The following SRPK1 variants were observed in gnomAD, a reference collection of about 807,000 sequenced individuals.
SRPK1 encodes SRSF protein kinase 1.
Under a neutral mutation model 89.5 loss-of-function variants are expected in SRPK1, and 52 were observed. The observed-to-expected ratio is 0.58, with a 90% confidence interval of 0.46 to 0.73. The LOEUF (loss-of-function observed/expected upper bound fraction) is 0.73. SRPK1 is among the 30% of genes least tolerant of loss of function. The pLI is 0.00. For synonymous variants in SRPK1, 255 were observed against 270.2 expected (o/e 0.94, Z 0.55); for missense variants, 603 against 780.6 (o/e 0.77, Z 2.71).
At chr6:35,904,768 G>T in intron 2 of SRPK1, 1 of 192,260 alleles carries the variant, frequency 5.2e-6, no homozygotes, top group Non-Finnish European at 1.1e-5. Context: ...TCACACCATT[G>T]CACTTTAGCC....
chr6:35,873,931 A>G (rs1770099938), intron 7 of SRPK1, among the ~76,000 whole-genome samples: 1 of 151,480 alleles, frequency 6.6e-6, no homozygotes, highest in Non-Finnish European at 1.5e-5. Context: ...GGTTCACGCC[A>G]TTCTCCTGCC....
rs754670580 is a variant in SRPK1, at chr6:35,869,591, A to C, written c.1302T>G (p.Gly434=). Residue 434 remains glycine, a synonymous_variant, in exon 11 of 16, where the codon GGT becomes GGG. Transcript: ENST00000373825. ...TAATGTGTTGTTCACTGAATGACTGACCTACAGTTGAGGAAGACTGGCACA... is the reference window on the plus strand; with the variant it reads ...TAATGTGTTGTTCACTGAATGACTGCCCTACAGTTGAGGAAGACTGGCACA... ...TMVCQSSSTV[G]QSFSEQHISQ... is the part of the protein sequence containing the mutation. 1.5e-5 allele frequency: 25 copies of C among 1,613,848 alleles called. No individual in the cohort carries two copies. Among genetic ancestry groups the C allele is most frequent in the Non-Finnish European group, 1.9e-5 (23 of 1,179,892 alleles).
intron 2 of SRPK1, among the ~76,000 whole-genome samples, chr6:35,903,201 C>A (rs1770782931): frequency 6.6e-6 from 1 of 151,870 alleles, no homozygotes; most frequent in Non-Finnish European, 1.5e-5. Context: ...ATAAGGCTTA[C>A]CCTAATATTT....
At chr6:35,877,911 A>G (rs1014944281) in intron 6 of SRPK1, among the ~76,000 whole-genome samples, 1 of 152,144 alleles carries the variant, frequency 6.6e-6, no homozygotes, top group Admixed American at 6.5e-5. Flanking sequence ...ATCAAAACAC[A>G]CTGGATGGAA....
chr6:35,868,919 A>T, intron 12 of SRPK1, 91 bp downstream of exon 12: 1 of 951,146 alleles, frequency 1.1e-6, no homozygotes, highest in Non-Finnish European at 1.6e-6. Flanking sequence ...CAATCTGGGT[A>T]CAGAATTATG....
chr6:35,895,057 A>G (rs1270954298), intron 2 of SRPK1, among the ~76,000 whole-genome samples: 1 of 152,210 alleles, frequency 6.6e-6, no homozygotes, highest in East Asian at 1.9e-4. Flanking sequence ...AAGACAAGAA[A>G]GTATGCTTGA....
chr6:35,898,024 T>G (rs972565109), intron 2 of SRPK1, among the ~76,000 whole-genome samples: 2 of 152,244 alleles, frequency 1.3e-5, no homozygotes, highest in Non-Finnish European at 2.9e-5. Context: ...ATACATTGCA[T>G]TATGAATGTT....
At chr6:35,844,769 T>C (rs142230795) in intron 13 of SRPK1, among the ~76,000 whole-genome samples, 22 of 152,282 alleles carry the variant, frequency 1.4e-4, no homozygotes, top group Non-Finnish European at 2.9e-4. Context: ...ATCATGATTC[T>C]TGTTCACCAA....
chr6:35,851,485 T>C (rs1581994661), intron 13 of SRPK1, among the ~76,000 whole-genome samples: 2 of 152,108 alleles, frequency 1.3e-5, no homozygotes, highest in East Asian at 1.9e-4. Flanking sequence ...GTATTGGATA[T>C]ATTCTGAAGG....
intron 6 of SRPK1, among the ~76,000 whole-genome samples, chr6:35,882,168 A>C (rs994780887): frequency 1.3e-5 from 2 of 150,208 alleles, no homozygotes; most frequent in Non-Finnish European, 3.0e-5. Context: ...TAGTAGCAGC[A>C]GCAGCAGAAG....
At chr6:35,897,843 G>A (rs887832058) in intron 2 of SRPK1, among the ~76,000 whole-genome samples, 4 of 152,254 alleles carry the variant, frequency 2.6e-5, no homozygotes, top group African/African-American at 4.8e-5. Flanking sequence ...CTTCCACTGC[G>A]TATTCTATTG....
chr6:35,840,715 G>A (rs80331064), intron 14 of SRPK1, among the ~76,000 whole-genome samples: 1,863 of 152,256 alleles, frequency 0.012, 36 homozygotes, highest in African/African-American at 0.043. Context: ...ATGGTACTCA[G>A]GCTTCTGTCC....
At chr6:35,893,476 C>A (rs1056105636) in intron 2 of SRPK1, among the ~76,000 whole-genome samples, 2 of 131,238 alleles carry the variant, frequency 1.5e-5, no homozygotes, top group East Asian at 2.0e-4. Flanking sequence ...CAGAGCAAGA[C>A]CTTGTCTCAA....
chr6:35,896,656 T>C (rs747698010), intron 2 of SRPK1, among the ~76,000 whole-genome samples: 4 of 152,208 alleles, frequency 2.6e-5, no homozygotes, highest in African/African-American at 7.2e-5. Context: ...CAATGCATAG[T>C]TGTATGATTT....
chr6:35,905,409 C>A (rs908158978), intron 2 of SRPK1, among the ~76,000 whole-genome samples: 5 of 152,090 alleles, frequency 3.3e-5, no homozygotes, highest in Admixed American at 6.5e-5. Flanking sequence ...TAAAAAAAAA[C>A]CCAACATAAT....
chr6:35,871,711 G>GA (rs1312191324), intron 8 of SRPK1, among the ~76,000 whole-genome samples: 2 of 151,738 alleles, frequency 1.3e-5, no homozygotes, highest in Admixed American at 1.3e-4. Context: ...TATCTCAAAA[G>GA]AAAAAAAATC....
intron 8 of SRPK1, 58 bp downstream of exon 8, chr6:35,872,505 A>G: frequency 6.8e-7 from 1 of 1,460,264 alleles, no homozygotes; most frequent in Non-Finnish European, 9.1e-7. Flanking sequence ...TAACAGAATA[A>G]AAATAGAAAT....
chr6:35,887,983 T>TA, intron 5 of SRPK1, 41 bp downstream of exon 5: 1 of 1,390,596 alleles, frequency 7.2e-7, no homozygotes, highest in Non-Finnish European at 9.7e-7. Context: ...ACTTGATTTA[T>TA]TTATAATTCT....
chr6:35,869,958 GAAACATTTCTCACAAGATTA>G (rs1285404105), intron 10 of SRPK1, 57 bp from the exon 11 acceptor site: 1 of 1,473,300 alleles, frequency 6.8e-7, no homozygotes, highest in African/African-American at 1.4e-5. Context: ...TGAAAGAACA[GAAACATTTCTCACAAGATTA>G]AAACATTTTC....
Sources: gnomAD v4.1 joint callset for allele counts (sites outside exome capture counted in the v4.1 genomes callset) on GRCh38, gnomAD v4.1.1 for gene constraint, MANE v1.5 for transcripts, NCBI Gene and HGNC (gene_info 2026-07-23, HGNC 2026-07-21) for gene names.